The following CDH18 variants were observed in gnomAD, a reference collection of about 807,000 sequenced individuals.
The protein encoded by CDH18 is cadherin-18.
Under a neutral mutation model 67.9 loss-of-function variants are expected in CDH18, and 31 were observed. The observed-to-expected ratio is 0.46, with a 90% CI of 0.34 to 0.62. The LOEUF is 0.62. Ranked by LOEUF, CDH18 falls within the 20% of genes least tolerant of loss-of-function variation. CDH18 has a pLI of 0.01. For missense variants in CDH18, 890 were observed against 975.5 expected, an observed-to-expected ratio of 0.91 and a Z score of 1.17; for synonymous variants, 362 against 347.2, an observed-to-expected ratio of 1.04 and a Z score of -0.48.
intron 2 of CDH18, among the ~76,000 whole-genome samples, chr5:20,200,890 T>A (rs573340897): frequency 6.6e-5 from 10 of 152,080 alleles, no homozygotes; most frequent in Non-Finnish European, 1.2e-4. Flanking sequence ...TTACTAATGG[T>A]TACAAGGGCC....
intron 6 of CDH18, among the ~76,000 whole-genome samples, chr5:19,591,881 A>G (rs963564837): frequency 6.6e-6 from 1 of 152,096 alleles, no homozygotes; most frequent in Non-Finnish European, 1.5e-5. Flanking sequence ...AAAATCGATT[A>G]CAGAGTTGAA....
intron 1 of CDH18, among the ~76,000 whole-genome samples, chr5:20,415,801 TA>T (rs1299454029): frequency 1.3e-5 from 2 of 151,048 alleles, no homozygotes; most frequent in Non-Finnish European, 3.0e-5. Context: ...AATAAATATA[TA>T]AAAAAATAAA....
chr5:19,493,249 T>C (rs1741759717), intron 11 of CDH18, among the ~76,000 whole-genome samples: 1 of 152,114 alleles, frequency 6.6e-6, no homozygotes, highest in African/African-American at 2.4e-5. Flanking sequence ...CATCCTCATT[T>C]CCCCAACTAG....
chr5:19,473,205 A>C lies in CDH18; in HGVS notation c.*21T>G. ...CACTTACTCAGGAAGCAAATTCCAC[A>C]AGGTTGCAAGAACTGACCCCCTAAG... On this transcript the variant is annotated 3_prime_UTR_variant, in exon 13 of 13. Coordinates refer to ENST00000382275, the MANE Select transcript of CDH18 (RefSeq NM_004934.5). 1 of 1,604,982 alleles carries C rather than the reference A, an allele frequency of 6.2e-7. No individual in the cohort carries two copies. Among genetic ancestry groups the C allele is most frequent in the Non-Finnish European group, 8.5e-7 (1 of 1,174,348 alleles).
rs542834938 is a variant in CDH18 at position 20,444,786 on chromosome 5, T to A, written c.-580+130676A>T. ...TTTTAAGCTTTTTTCTTTCTTTTTT[T>A]TTTTTTTCTGGCCATCACCGTTCAC... On this transcript the variant is annotated intron_variant, in intron 1 of 14. Transcript: ENST00000507958. Among the ~76,000 whole-genome samples, 65 of 151,712 alleles carry A rather than the reference T, an allele frequency of 4.3e-4. No homozygotes were observed. The East Asian group carries it at 0.012, about 27-fold the overall frequency.
chr5:19,614,886 G>A (rs970565809), intron 5 of CDH18, among the ~76,000 whole-genome samples: 1 of 152,096 alleles, frequency 6.6e-6, no homozygotes, highest in African/African-American at 2.4e-5. Context: ...GGCGGCTCAG[G>A]CCTATAATCC....
At chr5:20,356,841 AC>A (rs1327866715) in intron 1 of CDH18, among the ~76,000 whole-genome samples, 1 of 148,628 alleles carries the variant, frequency 6.7e-6, no homozygotes, top group African/African-American at 2.5e-5. Flanking sequence ...CTATATACAC[AC>A]ATATATATAC....
intron 3 of CDH18, among the ~76,000 whole-genome samples, chr5:19,761,209 A>T (rs1292073674): frequency 6.6e-6 from 1 of 152,184 alleles, no homozygotes; most frequent in Non-Finnish European, 1.5e-5. Flanking sequence ...GGAGATAAGA[A>T]TCTCACTCAG....
chr5:20,559,127 A>G (rs1253279255), intron 1 of CDH18, among the ~76,000 whole-genome samples: 1 of 151,510 alleles, frequency 6.6e-6, no homozygotes, highest in Admixed American at 6.6e-5. Context: ...ATTTTAGCAC[A>G]AAAATATTTG....
At chr5:19,473,970 TCA>T (rs1346472911) in intron 12 of CDH18, among the ~76,000 whole-genome samples, 3 of 152,066 alleles carry the variant, frequency 2.0e-5, no homozygotes, top group Non-Finnish European at 4.4e-5. Context: ...CACAATACTC[TCA>T]GTTTGCTAAG....
At chr5:20,374,965 C>T (rs1211586024) in intron 1 of CDH18, among the ~76,000 whole-genome samples, 1 of 151,986 alleles carries the variant, frequency 6.6e-6, no homozygotes, top group Non-Finnish European at 1.5e-5. Context: ...TTGGCATTAG[C>T]CTGGCACACT....
At chr5:19,574,859 T>G (rs1742055414) in intron 7 of CDH18, among the ~76,000 whole-genome samples, 1 of 151,978 alleles carries the variant, frequency 6.6e-6, no homozygotes, top group South Asian at 2.1e-4. Context: ...GCTAACACGG[T>G]GACACCCTGT....
chr5:20,163,460 A>C (rs1353953345), intron 2 of CDH18, among the ~76,000 whole-genome samples: 1 of 152,174 alleles, frequency 6.6e-6, no homozygotes, highest in Non-Finnish European at 1.5e-5. Flanking sequence ...CTTGTTGAAG[A>C]AAATGGATTA....
chr5:19,842,824 G>A (rs1183012754), intron 2 of CDH18, among the ~76,000 whole-genome samples: 2 of 152,106 alleles, frequency 1.3e-5, no homozygotes, highest in Non-Finnish European at 2.9e-5. Context: ...TGTGGACAAC[G>A]AAGTCCAGGC....
intron 1 of CDH18, among the ~76,000 whole-genome samples, chr5:20,381,316 A>C (rs1743889638): frequency 6.6e-6 from 1 of 152,146 alleles, no homozygotes; most frequent in Admixed American, 6.6e-5. Flanking sequence ...TACAAATGCT[A>C]TCAAAAGGTT....
chr5:20,379,274 T>C (rs1191860385), intron 1 of CDH18, among the ~76,000 whole-genome samples: 1 of 152,186 alleles, frequency 6.6e-6, no homozygotes. Flanking sequence ...TCTTTTAATA[T>C]TGCTAGATCT....
At chr5:19,852,168 G>A (rs1202039240) in intron 2 of CDH18, among the ~76,000 whole-genome samples, 1 of 151,956 alleles carries the variant, frequency 6.6e-6, no homozygotes, top group East Asian at 1.9e-4. Context: ...TAGTAACCAG[G>A]ACTTTGGGGT....
intron 2 of CDH18, among the ~76,000 whole-genome samples, chr5:19,922,671 G>A (rs1026784380): frequency 6.6e-6 from 1 of 152,002 alleles, no homozygotes; most frequent in East Asian, 1.9e-4. Flanking sequence ...TTCTATACCG[G>A]GAAATTGTTC....
chr5:19,830,552 C>A (rs889998452), intron 3 of CDH18, among the ~76,000 whole-genome samples: 1 of 151,874 alleles, frequency 6.6e-6, no homozygotes, highest in Non-Finnish European at 1.5e-5. Context: ...ATGACAAGGT[C>A]ATGAAGAAAA....
Sources: gnomAD v4.1 joint callset for allele counts (sites outside exome capture counted in the v4.1 genomes callset) on GRCh38, gnomAD v4.1.1 for gene constraint, MANE v1.5 for transcripts, NCBI Gene and HGNC (gene_info 2026-07-23, HGNC 2026-07-21) for gene names.